Variants in LINGO2 observed in about 807,000 individuals in gnomAD.
LINGO2 encodes the protein leucine rich repeat and Ig domain containing 2.
LINGO2 carries 14 observed loss-of-function variants against 30.6 expected under a neutral mutation model. The ratio of observed to expected loss-of-function variants is 0.46; its 90% CI spans 0.30 to 0.72. LINGO2 has a LOEUF of 0.72. Among genes scored for constraint, LINGO2 ranks in the 30% least tolerant of loss-of-function variants. The probability of loss-of-function intolerance (pLI) is 0.07; values close to 1 mark genes in which losing one functional copy is unlikely to be tolerated. For synonymous variants in LINGO2, 317 were observed against 288.5 expected (o/e 1.10, Z -1.00); for missense variants, 729 against 751.7 (o/e 0.97, Z 0.35).
intron 4 of LINGO2, among the ~76,000 whole-genome samples, chr9:28,244,668 T>A (rs1222493044): frequency 6.6e-6 from 1 of 152,004 alleles, no homozygotes; most frequent in South Asian, 2.1e-4. Context: ...GAGAATACTA[T>A]AAACAACCCT....
chr9:29,037,965 G>C, the LINGO2 span, among the ~76,000 whole-genome samples: 1 of 152,096 alleles, frequency 6.6e-6, no homozygotes, highest in South Asian at 2.1e-4. Context: ...CCATGCTTTT[G>C]TACAGAGCTA....
At chr9:28,157,790 G>A (rs1828175599) in intron 4 of LINGO2, among the ~76,000 whole-genome samples, 1 of 152,144 alleles carries the variant, frequency 6.6e-6, no homozygotes. Context: ...CAGGGCAGGG[G>A]CAAAATGCCA....
At chr9:28,395,990 A>T (rs1564173096) in intron 2 of LINGO2, among the ~76,000 whole-genome samples, 1 of 152,192 alleles carries the variant, frequency 6.6e-6, no homozygotes, top group Non-Finnish European at 1.5e-5. Flanking sequence ...AAAAAATGTT[A>T]AAAATAGGAG....
At chr9:28,001,832 T>A (rs1821971719) in intron 5 of LINGO2, among the ~76,000 whole-genome samples, 2 of 152,324 alleles carry the variant, frequency 1.3e-5, no homozygotes, top group South Asian at 4.1e-4. Context: ...CAAAAGGATG[T>A]TTACAACTTC....
intron 1 of LINGO2, among the ~76,000 whole-genome samples, chr9:28,569,969 T>C (rs546500410): frequency 3.3e-5 from 5 of 151,686 alleles, no homozygotes; most frequent in African/African-American, 7.2e-5. Context: ...ATAATAAACA[T>C]AAAATTGAAG....
At chr9:28,444,566 G>A (rs569714506) in intron 2 of LINGO2, among the ~76,000 whole-genome samples, 125 of 152,346 alleles carry the variant, frequency 8.2e-4, no homozygotes, top group African/African-American at 2.8e-3. Context: ...GGCTCCCCAA[G>A]CCAGGGCTGT....
At chr9:28,207,217 C>T (rs1167103225) in intron 4 of LINGO2, among the ~76,000 whole-genome samples, 1 of 152,072 alleles carries the variant, frequency 6.6e-6, no homozygotes, top group African/African-American at 2.4e-5. Context: ...AAAGTACTTT[C>T]AGGTTAGCCC....
chr9:29,034,006 C>A, the LINGO2 span, among the ~76,000 whole-genome samples: 1 of 151,804 alleles, frequency 6.6e-6, no homozygotes, highest in Non-Finnish European at 1.5e-5. Flanking sequence ...CACTTGAACC[C>A]AGGTGGTGGA....
rs541841243 is a variant in LINGO2, at chr9:27,997,795, T to C, written c.-36+14560A>G. Among the ~76,000 whole-genome samples, 16 of 152,258 alleles carry C rather than the reference T, an allele frequency of 1.1e-4. No individual in the cohort carries two copies. The East Asian group carries it at 3.1e-3, about 30-fold the overall frequency. On this transcript the variant is annotated intron_variant, in intron 5 of 5. Coordinates refer to ENST00000379992, the Ensembl canonical transcript of LINGO2. ...TAAGACTAAATGGGTCGAAAGCAAG[T>C]TCAATGCTAATTTAATGCACTTATT...
the LINGO2 span, among the ~76,000 whole-genome samples, chr9:28,839,531 G>T: frequency 6.6e-6 from 1 of 152,040 alleles, no homozygotes; most frequent in African/African-American, 2.4e-5. Context: ...TAGGCAGGTC[G>T]TCCCCACATC....
chr9:29,061,715 T>C, the LINGO2 span, among the ~76,000 whole-genome samples: 4 of 152,096 alleles, frequency 2.6e-5, 1 homozygote, highest in Admixed American at 2.6e-4. Flanking sequence ...ATAAGAACTA[T>C]AAATTTGTTA....
At chr9:28,638,092 T>C (rs886495264) in intron 1 of LINGO2, among the ~76,000 whole-genome samples, 2 of 152,196 alleles carry the variant, frequency 1.3e-5, no homozygotes, top group Non-Finnish European at 2.9e-5. Flanking sequence ...GTGGCTTTTG[T>C]CGTTGGTTCT....
At chr9:28,775,196 T>G in the LINGO2 span, among the ~76,000 whole-genome samples, 1 of 152,144 alleles carries the variant, frequency 6.6e-6, no homozygotes, top group African/African-American at 2.4e-5. Flanking sequence ...ATTCTCTGTT[T>G]CTTAGCACAG....
chr9:28,292,926 A>G (rs981818183), intron 4 of LINGO2, among the ~76,000 whole-genome samples: 1 of 151,588 alleles, frequency 6.6e-6, no homozygotes, highest in Admixed American at 6.6e-5. Context: ...GCCCGCCACC[A>G]CGCTTGGATA....
At chr9:27,955,948 T>C (rs1279864787) in intron 5 of LINGO2, among the ~76,000 whole-genome samples, 1 of 135,876 alleles carries the variant, frequency 7.4e-6, no homozygotes, top group East Asian at 2.0e-4. Context: ...TTTTTTTTTT[T>C]TTTTTTTTGA....
intron 2 of LINGO2, among the ~76,000 whole-genome samples, chr9:28,450,195 A>G (rs1824596082): frequency 6.6e-6 from 1 of 151,676 alleles, no homozygotes; most frequent in Non-Finnish European, 1.5e-5. Context: ...TAATCTGTGG[A>G]CCCCCTGTAA....
At position 28,111,509 on chromosome 9, in the gene LINGO2, C is replaced by T. The variant is rs180931262; in HGVS notation, c.-86-99104G>A. Among the ~76,000 whole-genome samples, 322 of 152,074 alleles carry T rather than the reference C, an allele frequency of 2.1e-3. 2 individuals are homozygous for T. Among genetic ancestry groups the T allele is most frequent in the African/African-American group, 7.2e-3 (299 of 41,494 alleles). On this transcript the variant is annotated intron_variant, in intron 4 of 5. Coordinates refer to ENST00000379992, the Ensembl canonical transcript of LINGO2. The stretch of plus-strand genomic sequence containing the variant: ...AAAAGGCTCTAGGAAACTTTTAACT[C>T]GGGCCAGCTGTTTTGTTGACTTATA...
At chr9:28,002,004 G>C (rs909975340) in intron 5 of LINGO2, among the ~76,000 whole-genome samples, 1 of 152,168 alleles carries the variant, frequency 6.6e-6, no homozygotes, top group African/African-American at 2.4e-5. Context: ...GTTCATAAAA[G>C]CTGCCCTATG....
At chr9:28,889,479 C>T in the LINGO2 span, among the ~76,000 whole-genome samples, 1 of 151,632 alleles carries the variant, frequency 6.6e-6, no homozygotes, top group Non-Finnish European at 1.5e-5. Context: ...GGCTATTTTA[C>T]TTTTCATTCT....
Sources: gnomAD v4.1 joint callset for allele counts (sites outside exome capture counted in the v4.1 genomes callset) on GRCh38, gnomAD v4.1.1 for gene constraint, MANE v1.5 for transcripts, NCBI Gene and HGNC (gene_info 2026-07-23, HGNC 2026-07-21) for gene names.